Variants in ETV6 observed in about 807,000 individuals in gnomAD.
The protein encoded by ETV6 is ETS variant transcription factor 6, also known as transcription factor ETV6.
ETV6 carries 16 observed loss-of-function variants against 51.1 expected under a neutral mutation model. The observed-to-expected ratio is 0.31, with a 90% CI of 0.21 to 0.48. The LOEUF is 0.48. Ranked by LOEUF, ETV6 falls within the 20% of genes least tolerant of loss-of-function variation. ETV6 has a pLI of 0.99. For synonymous variants in ETV6, 240 were observed against 224.1 expected (o/e 1.07, Z -0.64); for missense variants, 458 against 594.8 (o/e 0.77, Z 2.39).
intron 2 of ETV6, among the ~76,000 whole-genome samples, chr12:11,812,951 T>G (rs1945935999): frequency 6.6e-6 from 1 of 152,196 alleles, no homozygotes; most frequent in Admixed American, 6.5e-5. Flanking sequence ...AGGGGCTCCC[T>G]GACATTCCGG....
intron 2 of ETV6, among the ~76,000 whole-genome samples, chr12:11,790,972 C>A (rs535518681): frequency 6.6e-6 from 1 of 152,102 alleles, no homozygotes; most frequent in Non-Finnish European, 1.5e-5. Context: ...TGAGCCATTG[C>A]GCCCGGCCAG....
At chr12:11,816,481 C>T (rs1388962897) in intron 2 of ETV6, among the ~76,000 whole-genome samples, 1 of 152,124 alleles carries the variant, frequency 6.6e-6, no homozygotes, top group South Asian at 2.1e-4. Context: ...CTCCTGACCT[C>T]GTGATCCACC....
In ETV6 at chr12:11,698,523, T is replaced by C. The variant is rs11054419; in HGVS notation, c.33+48363T>C. ...GAGGATTTTAGTTTCTTACTAGCTG[T>C]TGGTTGGAGGCTTCCCTCTGTTCCA... On this transcript the variant is annotated intron_variant, in intron 1 of 7. Transcript: ENST00000396373. Among the ~76,000 whole-genome samples the C allele has an allele frequency of 6.9e-3, 1,045 of 152,334 alleles. 33 individuals are homozygous for C. The East Asian group carries it at 0.085, about 12-fold the overall frequency.
chr12:11,833,902 C>T (rs905901724), intron 2 of ETV6, among the ~76,000 whole-genome samples: 7 of 152,120 alleles, frequency 4.6e-5, no homozygotes, highest in Non-Finnish European at 8.8e-5. Flanking sequence ...ACAGTTTTCT[C>T]ATCTGTAAAA....
Position 11,774,773 on chromosome 12 carries a change from C to T in ETV6, c.163+22194C>T, listed in dbSNP as rs116110358. The stretch of plus-strand genomic sequence containing the variant: ...CCAGCCACGGTACTGAGGACCACAT[C>T]AAAACTGCTCCTTGAAGGAACTTGG... On this transcript the variant is annotated intron_variant, in intron 2 of 7. Transcript: ENST00000396373. Among the ~76,000 whole-genome samples, 441 of 152,308 alleles carry T rather than the reference C, an allele frequency of 2.9e-3. 2 individuals carry two copies. Among genetic ancestry groups the T allele is most frequent in the African/African-American group, 0.01 (417 of 41,568 alleles).
intron 2 of ETV6, among the ~76,000 whole-genome samples, chr12:11,815,070 A>G (rs1945971560): frequency 6.6e-6 from 1 of 152,204 alleles, no homozygotes; most frequent in African/African-American, 2.4e-5. Flanking sequence ...ATCAGTTCAC[A>G]TACTTCCCAG....
At chr12:11,784,796 T>G (rs1397838629) in intron 2 of ETV6, among the ~76,000 whole-genome samples, 1 of 151,374 alleles carries the variant, frequency 6.6e-6, no homozygotes, top group African/African-American at 2.4e-5. Context: ...ACTCTTGGGC[T>G]CATGATCCTT....
At position 11,892,331 on chromosome 12, in the gene ETV6, T is replaced by A. The variant is rs1391781452; in HGVS notation, c.*1285T>A. 1 of 232,534 alleles carries A rather than the reference T, an allele frequency of 4.3e-6. No homozygotes were observed. The highest frequency in any genetic ancestry group is 2.2e-5 in the African/African-American group (1 of 45,106). 14.4% of individuals were successfully genotyped at this position (232,534 alleles called of 1,614,324 possible). On this transcript the variant is annotated 3_prime_UTR_variant, in exon 8 of 8. Transcript: ENST00000396373. ...GGCAGTCTCAGTTGCAATCAGTGTG[T>A]GCCCAGCCTGGGCAGACAGGAAATT...
At chr12:11,718,738 A>G (rs1865326825) in intron 1 of ETV6, among the ~76,000 whole-genome samples, 1 of 152,136 alleles carries the variant, frequency 6.6e-6, no homozygotes, top group African/African-American at 2.4e-5. Context: ...ACTGTGTCTC[A>G]AAAAAATTCT....
intron 2 of ETV6, among the ~76,000 whole-genome samples, chr12:11,796,927 CA>C (rs1369260491): frequency 6.6e-6 from 1 of 152,114 alleles, no homozygotes. Flanking sequence ...TGTGGGACCA[CA>C]AGCATGCCGC....
intron 3 of ETV6, among the ~76,000 whole-genome samples, chr12:11,846,973 C>T (rs913885816): frequency 1.3e-5 from 2 of 152,110 alleles, no homozygotes; most frequent in Non-Finnish European, 2.9e-5. Context: ...TCCGGGTTCA[C>T]GCCATTCTCC....
intron 1 of ETV6, among the ~76,000 whole-genome samples, chr12:11,696,443 T>C (rs986403423): frequency 7.9e-5 from 12 of 152,210 alleles, no homozygotes; most frequent in African/African-American, 2.9e-4. Flanking sequence ...TAGTGCCTAC[T>C]TCATGGAGTT....
chr12:11,658,258 C>T (rs1864038616), intron 1 of ETV6, among the ~76,000 whole-genome samples: 1 of 152,126 alleles, frequency 6.6e-6, no homozygotes, highest in African/African-American at 2.4e-5. Flanking sequence ...GTTTTTGAGA[C>T]AGAGTCTCGC....
At chr12:11,851,127 C>T (rs1229282753) in intron 3 of ETV6, among the ~76,000 whole-genome samples, 3 of 152,106 alleles carry the variant, frequency 2.0e-5, no homozygotes, top group South Asian at 2.1e-4. Flanking sequence ...CACCTCCCAC[C>T]ACCACACCAG....
At chr12:11,768,994 G>A (rs1474435702) in intron 2 of ETV6, 7 of 470,354 alleles carry the variant, frequency 1.5e-5, no homozygotes, top group Admixed American at 6.8e-5. Flanking sequence ...GAACCCGTAG[G>A]CTCAGTGCTA....
intron 5 of ETV6, among the ~76,000 whole-genome samples, chr12:11,878,784 C>G (rs1338606891): frequency 6.7e-6 from 1 of 148,186 alleles, no homozygotes; most frequent in African/African-American, 2.5e-5. Context: ...GACCAACTTT[C>G]TGCTTCTAGG....
chr12:11,822,776 T>A (rs563951982), intron 2 of ETV6, among the ~76,000 whole-genome samples: 5 of 152,216 alleles, frequency 3.3e-5, no homozygotes, highest in Non-Finnish European at 7.3e-5. Flanking sequence ...GATAGAATGT[T>A]TGAGCTTTGC....
At chr12:11,813,713 C>T (rs1003991776) in intron 2 of ETV6, among the ~76,000 whole-genome samples, 9 of 152,040 alleles carry the variant, frequency 5.9e-5, no homozygotes, top group African/African-American at 2.2e-4. Context: ...TCACCAAGAG[C>T]ACGACCTTGA....
At chr12:11,790,826 C>T (rs143387792) in intron 2 of ETV6, among the ~76,000 whole-genome samples, 2,405 of 151,928 alleles carry the variant, frequency 0.016, 59 homozygotes, top group African/African-American at 0.051. Context: ...CACAGGCGCG[C>T]GCCACCACAC....
Sources: gnomAD v4.1 joint callset for allele counts (sites outside exome capture counted in the v4.1 genomes callset) on GRCh38, gnomAD v4.1.1 for gene constraint, MANE v1.5 for transcripts, NCBI Gene and HGNC (gene_info 2026-07-23, HGNC 2026-07-21) for gene names.